The following EVC variants were observed in gnomAD, a reference collection of about 807,000 sequenced individuals.
EVC encodes the protein EvC ciliary complex subunit 1.
Under a neutral mutation model 118.9 loss-of-function variants are expected in EVC, and 116 were observed. The ratio of observed to expected loss-of-function variants is 0.98; its 90% CI spans 0.84 to 1.14. The LOEUF (loss-of-function observed/expected upper bound fraction) is 1.14, where lower values mean the gene tolerates loss of function less well. Among genes scored for constraint, EVC ranks in the 50% most tolerant of loss-of-function variants. The pLI is 0.00. For synonymous variants in EVC, 619 were observed against 534.7 expected (o/e 1.16, Z -2.18); for missense variants, 1,401 against 1,246.4 (o/e 1.12, Z -1.87).
At position 5,755,423 on chromosome 4, in the gene EVC, C is replaced by T. The variant is rs1731015238; in HGVS notation, c.1465-841C>T. On this transcript the variant is annotated intron_variant, in intron 10 of 20. Transcript: ENST00000264956. This position sits in a 1 kb window ranked among gnomAD's most constrained non-coding sequence, Gnocchi z 4.1. The stretch of plus-strand genomic sequence containing the variant: ...GGACATGGACAAATGGGCAAACGAG[C>T]GAATGAAGGAGGATGGAATGGGTGG... Among the ~76,000 whole-genome samples the T allele has an allele frequency of 7.4e-6, 1 of 135,198 alleles. No homozygotes were observed. The highest frequency in any genetic ancestry group is 3.0e-5 in the African/African-American group (1 of 33,332). 88.7% of individuals were successfully genotyped at this position (135,198 alleles called of 152,430 possible). A position where few individuals can be genotyped will look rare whatever the true frequency, so the allele number is the denominator to read the frequency against.
At chr4:5,733,059 A>T (rs1370179650) in intron 4 of EVC, among the ~76,000 whole-genome samples, 1 of 152,140 alleles carries the variant, frequency 6.6e-6, no homozygotes, top group African/African-American at 2.4e-5. Flanking sequence ...CAAAGGAGGA[A>T]ACGTCATTTT....
At chr4:5,718,875 C>T (rs1724445539) in intron 1 of EVC, among the ~76,000 whole-genome samples, 1 of 152,180 alleles carries the variant, frequency 6.6e-6, no homozygotes, top group Admixed American at 6.5e-5. Flanking sequence ...TATGCATGTG[C>T]CATTTCTCAT....
At chr4:5,794,241 A>ATATATATTTATATATT (rs1713344204) in intron 13 of EVC, among the ~76,000 whole-genome samples, 1 of 73,622 alleles carries the variant, frequency 1.4e-5, no homozygotes, top group African/African-American at 4.1e-5. Flanking sequence ...ATATATATTT[A>ATATATATTTATATATT]TATATATATT....
In EVC at chr4:5,731,700, TGGA is replaced by T. The variant is rs1560296714; in HGVS notation, c.617+45_617+47del. 1.0e-5 allele frequency: 16 copies of T among 1,550,932 alleles called. No individual in the cohort carries two copies. The highest frequency in any genetic ancestry group is 1.4e-5 in the Non-Finnish European group (16 of 1,131,266). On this transcript the variant is annotated intron_variant, in intron 4 of 20. Coordinates refer to ENST00000264956, the MANE Select transcript of EVC (RefSeq NM_153717.3). The surrounding 1 kb of genome is among the most constrained non-coding windows in gnomAD (Gnocchi z 5.6). Reference sequence around the variant, plus strand: ...TGGAGGATGAGGCTTCCAGTCCTCTTGGAGTGGGCCGGGAGTCACATCATTGTC... The same window carrying T: ...TGGAGGATGAGGCTTCCAGTCCTCTTGTGGGCCGGGAGTCACATCATTGTC...
At position 5,753,021 on chromosome 4, in the gene EVC, C is replaced by G. The variant is rs1730629695; in HGVS notation, c.1284C>G (p.Ala428=). The change falls in exon 9 of 21, where the codon GCC becomes GCG. Residue 428 remains alanine, a synonymous_variant. Transcript: ENST00000264956. ...AGCTGCTCACGCAGCAGCACAAGGC[C>G]TTCTGGCAGGAGGCAGAGCGCTTCA... ...KEELLTQQHK[A]FWQEAERFSR... 6.2e-7 allele frequency: 1 copy of G among 1,609,638 alleles called. No individual in the cohort carries two copies. The highest frequency in any genetic ancestry group is 2.2e-5 in the East Asian group (1 of 44,760).
At chr4:5,824,955 A>G in the EVC span, 1 of 985,432 alleles carries the variant, frequency 1.0e-6, no homozygotes, top group Non-Finnish European at 1.2e-6. Context: ...GTTGAGCACC[A>G]AGTCCTGGTA....
chr4:5,797,345 G>T, intron 14 of EVC, 113 bp downstream of exon 14: 1 of 928,292 alleles, frequency 1.1e-6, no homozygotes, highest in Non-Finnish European at 1.7e-6. Context: ...GGTGCTGCAG[G>T]GTGCGGTATT....
the EVC span, chr4:5,826,174 T>G: frequency 6.4e-6 from 1 of 155,658 alleles, no homozygotes; most frequent in South Asian, 1.9e-4. Flanking sequence ...GGACCCCAAA[T>G]CCCTTCCAAA....
chr4:5,761,639 C>T (rs996188100), intron 11 of EVC, among the ~76,000 whole-genome samples: 3 of 151,824 alleles, frequency 2.0e-5, no homozygotes, highest in Non-Finnish European at 4.4e-5. Context: ...AGGAAGCAGG[C>T]GTCTCATCTT....
intron 17 of EVC, 51 bp downstream of exon 17, chr4:5,804,892 A>T (rs774230709): frequency 3.4e-6 from 5 of 1,464,916 alleles, no homozygotes; most frequent in Non-Finnish European, 4.8e-6. Context: ...CCCCATTCAC[A>T]TGGCATATCT....
At chr4:5,752,351 G>A (rs188187036) in intron 8 of EVC, among the ~76,000 whole-genome samples, 17 of 152,250 alleles carry the variant, frequency 1.1e-4, no homozygotes, top group Middle Eastern at 6.8e-3. Flanking sequence ...GCGGGGAGTC[G>A]TGTTGGAAGC....
intron 16 of EVC, among the ~76,000 whole-genome samples, 156 bp downstream of exon 16, chr4:5,802,250 GC>G (rs1159830349): frequency 6.6e-6 from 1 of 152,196 alleles, no homozygotes; most frequent in Non-Finnish European, 1.5e-5. Context: ...GTCTCAAAAA[GC>G]CTTTTTCAAA....
chr4:5,750,859 A>G (rs1730239645), intron 8 of EVC, among the ~76,000 whole-genome samples: 1 of 152,184 alleles, frequency 6.6e-6, no homozygotes, highest in African/African-American at 2.4e-5. Context: ...CTATGCCTGC[A>G]TACCGGGCAC....
chr4:5,767,344 T>C (rs1367107011), intron 11 of EVC, among the ~76,000 whole-genome samples: 1 of 110,118 alleles, frequency 9.1e-6, no homozygotes, highest in Non-Finnish European at 2.2e-5. Context: ...AGGTTACTGC[T>C]GTCTTTTTGT....
Position 5,793,621 on chromosome 4 carries a change from A to G in EVC, c.1790A>G (p.Glu597Gly). ...TCCCGAGTTCAGGTGTGGATGGAGGAGTGTGCGCTGTCCAGCGTGCTGCAG... is the reference window on the plus strand; with the variant it reads ...TCCCGAGTTCAGGTGTGGATGGAGGGGTGTGCGCTGTCCAGCGTGCTGCAG... ...LEQDQQVWME[E>G]CALSSVLQTH... The change falls in exon 13 of 21, where the codon GAG becomes GGG. Residue 597 changes from glutamate to glycine, a missense_variant. Transcript: ENST00000264956. The G allele has an allele frequency of 6.4e-7, 1 of 1,551,062 alleles. No individual in the cohort carries two copies.
chr4:5,806,829 C>T (rs1715993871), intron 17 of EVC, among the ~76,000 whole-genome samples: 1 of 152,212 alleles, frequency 6.6e-6, no homozygotes, highest in Non-Finnish European at 1.5e-5. Flanking sequence ...TCCCTTTTCT[C>T]CACATCCTCA....
chr4:5,768,176 C>G (rs763319509), intron 11 of EVC, among the ~76,000 whole-genome samples: 1 of 152,094 alleles, frequency 6.6e-6, no homozygotes, highest in Non-Finnish European at 1.5e-5. Flanking sequence ...TCCAGAGCGC[C>G]TCATCTTGGA....
intron 8 of EVC, among the ~76,000 whole-genome samples, chr4:5,751,441 G>A (rs1002382585): frequency 4.6e-5 from 7 of 152,240 alleles, no homozygotes; most frequent in South Asian, 2.1e-4. Flanking sequence ...GGCCAGAGCC[G>A]CCCTTCCCGC....
intron 2 of EVC, among the ~76,000 whole-genome samples, chr4:5,720,471 A>G (rs1259443931): frequency 6.6e-6 from 1 of 152,050 alleles, no homozygotes. Flanking sequence ...CCCCACACCC[A>G]ACTTCTAGCC....
Sources: allele counts gnomAD v4.1 joint callset (sites outside exome capture counted in the v4.1 genomes callset), GRCh38; gene constraint gnomAD v4.1.1; non-coding constraint Gnocchi (gnomAD v3.1); transcripts MANE v1.5; gene names NCBI Gene and HGNC (gene_info 2026-07-23, HGNC 2026-07-21).